Variants in LAMA5 observed in about 807,000 individuals in gnomAD.
LAMA5 encodes the protein laminin subunit alpha 5.
LAMA5 carries 260 observed loss-of-function variants against 433.4 expected under a neutral mutation model. The ratio of observed to expected loss-of-function variants is 0.60; its 90% CI spans 0.54 to 0.66. The LOEUF (loss-of-function observed/expected upper bound fraction) is 0.66, where lower values mean the gene tolerates loss of function less well. Among genes scored for constraint, LAMA5 ranks in the 30% least tolerant of loss-of-function variants. LAMA5 has a pLI of 0.00. For synonymous variants in LAMA5, 2,620 were observed against 2,226.6 expected (o/e 1.18, Z -4.97); for missense variants, 5,378 against 5,258.5 (o/e 1.02, Z -0.70).
rs530059289 is a variant in LAMA5 at position 62,352,222 on chromosome 20, C to T, written c.687+20G>A. 2 of 1,575,574 alleles carry T rather than the reference C, an allele frequency of 1.3e-6. No individual in the cohort carries two copies. The highest frequency in any genetic ancestry group is 2.2e-5 in the South Asian group (2 of 90,150). On this transcript the variant is annotated intron_variant, in intron 4 of 79. Transcript: ENST00000252999. Reference sequence around the variant, plus strand: ...CTCCGTTCTCCAGCCCCCGTACCGCCCTGCCCCTCCCCGGCCCACCTCTCC... The same window carrying T: ...CTCCGTTCTCCAGCCCCCGTACCGCTCTGCCCCTCCCCGGCCCACCTCTCC...
At chr20:62,334,099 C>A in intron 22 of LAMA5, 60 bp from the exon 23 acceptor site, 8 of 1,588,760 alleles carry the variant, frequency 5.0e-6, no homozygotes, top group Non-Finnish European at 6.9e-6. Context: ...GAGGCCTGGG[C>A]CTTCAAGGGG....
At chr20:62,330,416 C>A (rs2146183184) in intron 31 of LAMA5, 72 bp downstream of exon 31, 1 of 1,459,452 alleles carries the variant, frequency 6.9e-7, no homozygotes. Flanking sequence ...GTAGCACAGG[C>A]CACGCTGTGG....
intron 38 of LAMA5, 96 bp from the exon 39 acceptor site, chr20:62,327,062 GTGCTGGGCCTGGA>G: frequency 8.8e-7 from 1 of 1,138,064 alleles, no homozygotes; most frequent in African/African-American, 1.6e-5. Flanking sequence ...ACAGAGCCCT[GTGCTGGGCCTGGA>G]TACTTGCGCT....
chr20:62,325,898 A>G (rs1244324048), intron 40 of LAMA5, among the ~76,000 whole-genome samples: 2 of 152,234 alleles, frequency 1.3e-5, no homozygotes, highest in Admixed American at 1.3e-4. Context: ...GGATAAATTC[A>G]AGTACATTAA....
rs763946114 is a variant in LAMA5, at chr20:62,346,234, C to T, written c.1283-19G>A. 13 of 1,606,064 alleles carry T rather than the reference C, an allele frequency of 8.1e-6. No homozygotes were observed. Among genetic ancestry groups the T allele is most frequent in the African/African-American group, 5.3e-5 (4 of 74,784 alleles). On this transcript the variant is annotated intron_variant, in intron 9 of 79. Transcript: ENST00000252999. The stretch of plus-strand genomic sequence containing the variant: ...TTGCAGCCTGGGCAGGGGCAGGAGC[C>T]GGGTAAGCCTGGAGCTACCAGGACT...
At position 62,346,501 on chromosome 20, in the gene LAMA5, C is replaced by T; in HGVS notation, c.1282+5G>A. ...CAGGACACCCGCCCAGCTGAGCCCA[C>T]TCACGGCGGCAGACGTGGGGCGAGT... On this transcript the variant is annotated splice_donor_5th_base_variant and intron_variant, in intron 9 of 79. Coordinates refer to ENST00000252999, the MANE Select transcript of LAMA5 (RefSeq NM_005560.6). The T allele has an allele frequency of 1.3e-6, 2 of 1,550,558 alleles. No individual in the cohort carries two copies. The highest frequency in any genetic ancestry group is 1.7e-6 in the Non-Finnish European group (2 of 1,146,614).
At chr20:62,345,791 G>T (rs1313483023) in intron 11 of LAMA5, 27 bp downstream of exon 11, 1 of 1,530,228 alleles carries the variant, frequency 6.5e-7, no homozygotes, top group South Asian at 1.2e-5. Context: ...GGCAGGCCGG[G>T]GACCTGGGGG....
chr20:62,346,634 T>G, intron 8 of LAMA5, 38 bp from the exon 9 acceptor site: 1 of 1,610,376 alleles, frequency 6.2e-7, no homozygotes, highest in Non-Finnish European at 8.5e-7. Context: ...GGGAGGTCCC[T>G]GCCCCACCTC....
Position 62,311,014 on chromosome 20 carries a change from G to A in LAMA5, c.10169C>T (p.Pro3390Leu), listed in dbSNP as rs772171641. The change falls in exon 74 of 80, where the codon CCC becomes CTC. Residue 3390 changes from proline to leucine, a missense_variant. Physicochemically the swap from Pro to Leu is moderately conservative, Grantham distance 98. Coordinates refer to ENST00000252999, the MANE Select transcript of LAMA5 (RefSeq NM_005560.6). ...LFTARLRPGS[P>L]SLALFLSNGH... Reference sequence around the variant, plus strand: ...ATTGCTCAGGAAGAGCGCCAGGGAGGGGCTGCCGGGCCTCAGACGGGCAGT... The same window carrying A: ...ATTGCTCAGGAAGAGCGCCAGGGAGAGGCTGCCGGGCCTCAGACGGGCAGT... 2.5e-5 allele frequency: 40 copies of A among 1,609,994 alleles called. No individual in the cohort carries two copies. Among genetic ancestry groups the A allele is most frequent in the Non-Finnish European group, 3.3e-5 (39 of 1,178,674 alleles).
chr20:62,362,620 C>T (rs1375623558), intron 1 of LAMA5, 68 bp from the exon 2 acceptor site: 2 of 1,332,174 alleles, frequency 1.5e-6, no homozygotes, highest in East Asian at 5.9e-5. Flanking sequence ...CCACAGTCAC[C>T]CTGCTGCCCC....
chr20:62,328,071 C>T lies in LAMA5; in HGVS notation c.4653-61G>A, dbSNP rs1031431526. ...CAGGTCACTCACACCAAAGTGAGACCTCGTAGGCACCCCCCACCCAGGCAG... is the reference window on the plus strand; with the variant it reads ...CAGGTCACTCACACCAAAGTGAGACTTCGTAGGCACCCCCCACCCAGGCAG... On this transcript the variant is annotated intron_variant, in intron 35 of 79. Coordinates refer to ENST00000252999, the MANE Select transcript of LAMA5 (RefSeq NM_005560.6). 8.1e-6 allele frequency: 13 copies of T among 1,597,478 alleles called. No individual in the cohort carries two copies. The African/African-American group carries it at 1.1e-4, about 13-fold the overall frequency.
intron 32 of LAMA5, among the ~76,000 whole-genome samples, chr20:62,329,483 G>A (rs1979946071): frequency 6.6e-6 from 1 of 152,220 alleles, no homozygotes. Flanking sequence ...ACCTCCTGGT[G>A]TCTCCCACAT....
intron 34 of LAMA5, 68 bp downstream of exon 34, chr20:62,328,776 C>T (rs1979783202): frequency 8.9e-6 from 13 of 1,456,928 alleles, no homozygotes; most frequent in Middle Eastern, 2.1e-4. Context: ...GCTTTCTGGT[C>T]GACCCGTCCA....
chr20:62,326,798 C>A (rs754439239), intron 39 of LAMA5, 38 bp from the exon 40 acceptor site: 1 of 1,605,430 alleles, frequency 6.2e-7, no homozygotes, highest in Admixed American at 1.7e-5. Context: ...TTGGCACGGG[C>A]CTGGACCACG....
chr20:62,339,076 G>T (rs1451949744), intron 11 of LAMA5, among the ~76,000 whole-genome samples: 1 of 151,636 alleles, frequency 6.6e-6, no homozygotes, highest in East Asian at 1.9e-4. Context: ...AGGCGTGTTT[G>T]GGAAAACAGT....
rs115089352 is a variant in LAMA5, at chr20:62,324,139, C to T, written c.5709G>A (p.Arg1903=). 2.2e-3 allele frequency: 3,442 copies of T among 1,552,478 alleles called. 84 individuals are homozygous for T. The African/African-American group carries it at 0.041, about 18-fold the overall frequency. The change falls in exon 43 of 80, where the codon AGG becomes AGA. Residue 1903 remains arginine (R), a synonymous_variant. Transcript: ENST00000252999. This position sits in a 1 kb window ranked among gnomAD's most constrained non-coding sequence, Gnocchi z 4.4. ...ERCQAGFVSS[R]DDPSAPCVSC... ...TGACACAGGGGGCGCTGGGGTCGTC[C>T]CTGCTGCTCACGAAGCCAGCCTGGC...
Position 62,337,924 on chromosome 20 carries a change from G to C in LAMA5, c.1906C>G (p.Pro636Ala). Reference sequence around the variant, plus strand: ...CAGAGCTGGTCCAGGGCTCCCCGAGGGTCGCAGGTGCATGCTGCAGAGGGA... The same window carrying C: ...CAGAGCTGGTCCAGGGCTCCCCGAGCGTCGCAGGTGCATGCTGCAGAGGGA... ...FPNCQACTCD[P>A]RGALDQLCGA... Residue 636 changes from proline to alanine, a missense_variant, in exon 15 of 80, where the codon CCT becomes GCT. Physicochemically the swap from Pro to Ala is conservative, Grantham distance 27. Transcript: ENST00000252999. 3 of 1,610,064 alleles carry C rather than the reference G, an allele frequency of 1.9e-6. No individual in the cohort carries two copies. Among genetic ancestry groups the C allele is most frequent in the Non-Finnish European group, 2.5e-6 (3 of 1,178,678 alleles).
chr20:62,334,820 CAG>C (rs1981268599), intron 20 of LAMA5, among the ~76,000 whole-genome samples, 199 bp from the exon 21 acceptor site: 1 of 146,952 alleles, frequency 6.8e-6, no homozygotes, highest in African/African-American at 2.5e-5. Flanking sequence ...AGGTGTAGGA[CAG>C]GGGAGAGGAA....
chr20:62,333,269 CCCCAGGTCCA>C (rs1297030380), intron 25 of LAMA5, 26 bp from the exon 26 acceptor site: 13 of 1,573,004 alleles, frequency 8.3e-6, no homozygotes, highest in African/African-American at 1.4e-5. Flanking sequence ...CCGTGGTCAG[CCCCAGGTCCA>C]CCCAGGTCCC....
Sources: gnomAD v4.1 joint callset for allele counts (sites outside exome capture counted in the v4.1 genomes callset) on GRCh38, gnomAD v4.1.1 for gene constraint, Gnocchi (gnomAD v3.1) non-coding constraint, MANE v1.5 for transcripts, NCBI Gene and HGNC (gene_info 2026-07-23, HGNC 2026-07-21) for gene names.